The following UCHL5 variants were observed in gnomAD, a reference collection of about 807,000 sequenced individuals.
UCHL5 encodes the protein ubiquitin C-terminal hydrolase L5, also known as ubiquitin carboxyl-terminal hydrolase isozyme L5.
In UCHL5, 34 loss-of-function variants were observed where a neutral mutation model predicts 53.8. That is an observed-to-expected ratio of 0.63 (90% confidence interval 0.48 to 0.84). UCHL5 has a LOEUF of 0.84. Among genes scored for constraint, UCHL5 ranks in the 40% least tolerant of loss-of-function variants. The pLI is 0.00. For missense variants in UCHL5, 290 were observed against 385.6 expected (o/e 0.75, Z 2.08); for synonymous variants, 111 against 126.3 (o/e 0.88, Z 0.81).
intron 3 of UCHL5, among the ~76,000 whole-genome samples, chr1:193,035,379 A>C (rs539381762): frequency 6.6e-6 from 1 of 152,124 alleles, no homozygotes; most frequent in Admixed American, 6.5e-5. Flanking sequence ...AGGTGCTTCA[A>C]TTCATCTAGC....
chr1:193,047,175 T>C (rs1233879992), intron 3 of UCHL5, among the ~76,000 whole-genome samples: 1 of 152,174 alleles, frequency 6.6e-6, no homozygotes, highest in Non-Finnish European at 1.5e-5. Flanking sequence ...TTATTATTAT[T>C]ATAGTTGTTG....
rs965461972 is a variant in UCHL5 at position 193,051,784 on chromosome 1, C to T, written c.110G>A (p.Ser37Asn). The part of the protein sequence containing the change: ...CRGAQVEEIW[S>N]LEPENFEKLK... ...TTTTTCAAAATTCTCAGGCTCTAAA[C>T]TCCATATTTCTTCTACTTGGGCTCC... is the stretch of plus-strand genomic sequence containing the variant. Residue 37 changes from serine (S) to asparagine (N), a missense_variant, in exon 2 of 11, where the codon AGT (serine) becomes AAT (asparagine). Physicochemically the swap from Ser to Asn is conservative, Grantham distance 46 (BLOSUM62 1). Transcript: ENST00000367454. The T allele has an allele frequency of 6.2e-6, 10 of 1,600,170 alleles. No individual in the cohort carries two copies. Among genetic ancestry groups the T allele is most frequent in the Non-Finnish European group, 8.5e-6 (10 of 1,173,286 alleles).
chr1:193,051,664 C>T, intron 2 of UCHL5, 90 bp downstream of exon 2: 1 of 715,530 alleles, frequency 1.4e-6, no homozygotes, highest in Non-Finnish European at 2.2e-6. Context: ...CTAGAGTAAT[C>T]CAAGTAAAAT....
At chr1:193,034,667 T>A (rs1338820819) in intron 3 of UCHL5, among the ~76,000 whole-genome samples, 1 of 152,054 alleles carries the variant, frequency 6.6e-6, no homozygotes, top group Non-Finnish European at 1.5e-5. Context: ...ACACATTTCA[T>A]TCAAAAATTT....
intron 10 of UCHL5, among the ~76,000 whole-genome samples, chr1:193,018,082 T>C (rs1184323029): frequency 1.3e-5 from 2 of 151,548 alleles, no homozygotes; most frequent in Admixed American, 6.6e-5. Context: ...ATCAGATAAT[T>C]CTGCATTAAT....
At chr1:193,016,416 G>A in intron 10 of UCHL5, 21 bp from the exon 11 acceptor site, 2 of 1,597,030 alleles carry the variant, frequency 1.3e-6, no homozygotes, top group Non-Finnish European at 1.7e-6. Context: ...AAAATAGTAT[G>A]TTACAAAATT....
intron 5 of UCHL5, 27 bp from the exon 6 acceptor site, chr1:193,029,336 C>A: frequency 6.2e-7 from 1 of 1,612,842 alleles, no homozygotes. Context: ...AATAGTGAAA[C>A]TCAAAGAAGC....
At chr1:193,017,659 A>T (rs1177413358) in intron 10 of UCHL5, among the ~76,000 whole-genome samples, 1 of 151,672 alleles carries the variant, frequency 6.6e-6, no homozygotes, top group Non-Finnish European at 1.5e-5. Context: ...AGAAGGATTA[A>T]CAAGAAATAA....
intron 3 of UCHL5, among the ~76,000 whole-genome samples, chr1:193,043,152 A>AAAAAAAAAAAAAAG (rs1666193581): frequency 2.1e-4 from 1 of 4,702 alleles, no homozygotes. Flanking sequence ...CTTGAATATT[A>AAAAAAAAAAAAAAG]AAAAAAAAAA....
chr1:193,049,823 T>C lies in UCHL5; in HGVS notation c.169A>G (p.Lys57Glu). 2 of 1,611,670 alleles carry C rather than the reference T, an allele frequency of 1.2e-6. No homozygotes were observed. Among genetic ancestry groups the C allele is most frequent in the Non-Finnish European group, 1.7e-6 (2 of 1,178,460 alleles). ...GCTGGTTCTTCTCCTGGCTGCCACT[T>C]GAAAAGAAAAATTAACCCATGAACT... is the stretch of plus-strand genomic sequence containing the variant. ...KPVHGLIFLF[K>E]WQPGEEPAGS... The change falls in exon 3 of 11, where the codon AAG becomes GAG. Residue 57 changes from lysine (K) to glutamate (E), a missense_variant. Coordinates refer to ENST00000367454, the MANE Select transcript of UCHL5 (RefSeq NM_001199261.3).
At chr1:193,020,802 A>G (rs931682746) in intron 10 of UCHL5, among the ~76,000 whole-genome samples, 1 of 151,952 alleles carries the variant, frequency 6.6e-6, no homozygotes, top group African/African-American at 2.4e-5. Context: ...TATCAGCATT[A>G]AAAATCTACT....
chr1:193,056,786 T>TCTA (rs1670755310), intron 1 of UCHL5, among the ~76,000 whole-genome samples: 2 of 152,314 alleles, frequency 1.3e-5, no homozygotes, highest in African/African-American at 4.8e-5. Context: ...AATCTATAAA[T>TCTA]TGGGTGAAAA....
At chr1:193,021,924 A>G (rs1657173917) in intron 9 of UCHL5, among the ~76,000 whole-genome samples, 1 of 152,180 alleles carries the variant, frequency 6.6e-6, no homozygotes, top group Non-Finnish European at 1.5e-5. Context: ...GCATTCCCAA[A>G]CAATAAAGCA....
At chr1:193,027,011 A>G (rs1659514954) in intron 7 of UCHL5, among the ~76,000 whole-genome samples, 1 of 152,224 alleles carries the variant, frequency 6.6e-6, no homozygotes, top group South Asian at 2.1e-4. Flanking sequence ...ACATATTGTA[A>G]AATTCATATA....
chr1:193,021,261 T>G, intron 9 of UCHL5, 66 bp from the exon 10 acceptor site: 2 of 1,086,922 alleles, frequency 1.8e-6, no homozygotes, highest in Non-Finnish European at 2.8e-6. Context: ...ATTCTTTGCA[T>G]CCAACTCAAA....
intron 3 of UCHL5, among the ~76,000 whole-genome samples, chr1:193,033,855 T>C (rs1005876394): frequency 2.6e-5 from 4 of 152,044 alleles, no homozygotes; most frequent in Non-Finnish European, 4.4e-5. Flanking sequence ...AACTAGAGAA[T>C]AGAGAAGGAA....
intron 3 of UCHL5, among the ~76,000 whole-genome samples, chr1:193,032,616 G>A (rs1457088785): frequency 6.6e-6 from 1 of 152,170 alleles, no homozygotes; most frequent in Admixed American, 6.5e-5. Flanking sequence ...GAAAATGTTT[G>A]CAATCTATCC....
chr1:193,023,366 C>A (rs1469823434), intron 8 of UCHL5, among the ~76,000 whole-genome samples: 1 of 152,092 alleles, frequency 6.6e-6, no homozygotes, highest in Non-Finnish European at 1.5e-5. Flanking sequence ...TAAACTTTGT[C>A]TATTAATCTC....
intron 3 of UCHL5, among the ~76,000 whole-genome samples, chr1:193,030,247 C>T (rs1285994704): frequency 6.6e-6 from 1 of 152,110 alleles, no homozygotes; most frequent in Non-Finnish European, 1.5e-5. Flanking sequence ...AAGGAAAAAA[C>T]ATTTAGATAG....
Sources: gnomAD v4.1 joint callset for allele counts (sites outside exome capture counted in the v4.1 genomes callset) on GRCh38, gnomAD v4.1.1 for gene constraint, MANE v1.5 for transcripts, NCBI Gene and HGNC (gene_info 2026-07-23, HGNC 2026-07-21) for gene names.